The following EXOC6B variants were observed in gnomAD, a reference collection of about 807,000 sequenced individuals.
The protein encoded by EXOC6B is exocyst complex component 6B, also known as SEC15 homolog B.
A neutral mutation model predicts 113.5 loss-of-function variants in EXOC6B; 54 were observed. The observed-to-expected ratio is 0.48, with a 90% CI of 0.38 to 0.60. The LOEUF (loss-of-function observed/expected upper bound fraction) is 0.60, where lower values mean the gene tolerates loss of function less well. Among genes scored for constraint, EXOC6B ranks in the 20% least tolerant of loss-of-function variants. The pLI, the probability that EXOC6B is intolerant of heterozygous loss-of-function variation, is 0.00. For missense variants in EXOC6B, 797 were observed against 977.5 expected (o/e 0.82, Z 2.46); for synonymous variants, 357 against 339.0 (o/e 1.05, Z -0.58).
chr2:72,550,500 C>T (rs1018320136), intron 8 of EXOC6B, among the ~76,000 whole-genome samples: 2 of 152,126 alleles, frequency 1.3e-5, no homozygotes, highest in Non-Finnish European at 2.9e-5. Context: ...TGTACCTTTT[C>T]AAAACTAGGA....
At chr2:72,777,974 C>T (rs1482699818) in intron 1 of EXOC6B, among the ~76,000 whole-genome samples, 2 of 151,952 alleles carry the variant, frequency 1.3e-5, no homozygotes, top group Non-Finnish European at 1.5e-5. Flanking sequence ...AATTGGTACA[C>T]TAGAAAATAC....
At chr2:72,478,278 A>G (rs768765977) in intron 17 of EXOC6B, among the ~76,000 whole-genome samples, 1 of 152,220 alleles carries the variant, frequency 6.6e-6, no homozygotes, top group Non-Finnish European at 1.5e-5. Flanking sequence ...AGGAAAGCTA[A>G]GGACGCCAGC....
chr2:72,448,520 A>G (rs1213364188), intron 18 of EXOC6B, among the ~76,000 whole-genome samples: 1 of 152,218 alleles, frequency 6.6e-6, no homozygotes, highest in Non-Finnish European at 1.5e-5. Context: ...AAAATTAAAG[A>G]TATCTATTAC....
At chr2:72,689,652 G>A (rs991622444) in intron 6 of EXOC6B, among the ~76,000 whole-genome samples, 1 of 152,120 alleles carries the variant, frequency 6.6e-6, no homozygotes, top group Non-Finnish European at 1.5e-5. Context: ...GGACTGCTGT[G>A]CCAGGATCCT....
intron 1 of EXOC6B, among the ~76,000 whole-genome samples, chr2:72,746,451 C>T (rs60284189): frequency 0.21 from 32,149 of 151,880 alleles, 5,679 homozygotes; most frequent in African/African-American, 0.49. Flanking sequence ...TATTTATCCT[C>T]GTATAACTAT....
intron 18 of EXOC6B, among the ~76,000 whole-genome samples, chr2:72,382,399 T>C (rs1039510485): frequency 1.3e-5 from 2 of 152,202 alleles, no homozygotes; most frequent in Non-Finnish European, 2.9e-5. Flanking sequence ...ATGTGTCTGT[T>C]TTTGTACCAG....
intron 18 of EXOC6B, among the ~76,000 whole-genome samples, chr2:72,441,699 C>A (rs934443540): frequency 6.6e-6 from 1 of 152,086 alleles, no homozygotes; most frequent in South Asian, 2.1e-4. Context: ...CAGGAAGAAA[C>A]TGAATCCCTG....
intron 6 of EXOC6B, among the ~76,000 whole-genome samples, chr2:72,688,529 TGGGGCAGGGGCA>T (rs373465195): frequency 4.1e-5 from 6 of 145,982 alleles, no homozygotes; most frequent in Non-Finnish European, 9.0e-5. Flanking sequence ...TGAGGACTAC[TGGGGCAGGGGCA>T]GGGGCAGGGG....
intron 19 of EXOC6B, among the ~76,000 whole-genome samples, chr2:72,341,454 A>G (rs1372414985): frequency 6.6e-6 from 1 of 152,208 alleles, no homozygotes; most frequent in Non-Finnish European, 1.5e-5. Flanking sequence ...GGTAACGATA[A>G]TTAAAAGTAT....
At chr2:72,752,548 ACTCTCT>A (rs143358400) in intron 1 of EXOC6B, among the ~76,000 whole-genome samples, 4 of 85,558 alleles carry the variant, frequency 4.7e-5, no homozygotes, top group South Asian at 7.5e-4. Flanking sequence ...TCTCTCTCTC[ACTCTCT>A]CTCTCTCTCT....
At chr2:72,424,645 G>GA (rs1385066670) in intron 18 of EXOC6B, among the ~76,000 whole-genome samples, 1 of 151,710 alleles carries the variant, frequency 6.6e-6, no homozygotes, top group Non-Finnish European at 1.5e-5. Flanking sequence ...ATTAAAACTG[G>GA]AAAAACTGAG....
rs1699977169 is a variant in EXOC6B at position 72,495,332 on chromosome 2, A to G, written c.1553+98T>C. On this transcript the variant is annotated intron_variant, in intron 15 of 21. Transcript: ENST00000272427. ...AAAGCTAATTATTAAGATTTCCAAA[A>G]TCAGGGCTGACGGGACTATCAAAAG... The G allele has an allele frequency of 4.9e-6, 3 of 617,796 alleles. No homozygotes were observed. The East Asian group carries it at 9.1e-5, about 19-fold the overall frequency. The allele number at this position is 617,796 out of a possible 1,614,324, so 38.3% of individuals were successfully genotyped here.
chr2:72,324,836 C>T (rs983020353), intron 20 of EXOC6B, among the ~76,000 whole-genome samples: 1 of 152,048 alleles, frequency 6.6e-6, no homozygotes, highest in Non-Finnish European at 1.5e-5. Flanking sequence ...GACACTAGAA[C>T]TTAATAGACC....
chr2:72,531,088 A>G (rs1182184974), intron 8 of EXOC6B, among the ~76,000 whole-genome samples: 3 of 151,992 alleles, frequency 2.0e-5, no homozygotes, highest in Non-Finnish European at 2.9e-5. Flanking sequence ...TAGGGCTTAC[A>G]TCTGTCAGGT....
At chr2:72,223,481 T>C (rs750980815) in intron 20 of EXOC6B, among the ~76,000 whole-genome samples, 14 of 152,216 alleles carry the variant, frequency 9.2e-5, no homozygotes, top group Non-Finnish European at 1.8e-4. Context: ...ATTACTATCC[T>C]GTTAAGATTT....
intron 6 of EXOC6B, among the ~76,000 whole-genome samples, chr2:72,664,548 T>G (rs1313593092): frequency 6.6e-6 from 1 of 152,204 alleles, no homozygotes; most frequent in African/African-American, 2.4e-5. Flanking sequence ...AACTCCAACC[T>G]GAGCAGAGCC....
At chr2:72,670,280 C>G (rs1036807105) in intron 6 of EXOC6B, among the ~76,000 whole-genome samples, 6 of 151,924 alleles carry the variant, frequency 3.9e-5, no homozygotes, top group Admixed American at 3.9e-4. Context: ...CCTGTTTATA[C>G]TACATTTAGG....
intron 14 of EXOC6B, among the ~76,000 whole-genome samples, 164 bp from the exon 15 acceptor site, chr2:72,495,703 A>G (rs1699998796): frequency 6.6e-6 from 1 of 152,212 alleles, no homozygotes; most frequent in African/African-American, 2.4e-5. Context: ...GATATTAAAA[A>G]GACATAAATT....
At chr2:72,768,600 C>T (rs1227679076) in intron 1 of EXOC6B, among the ~76,000 whole-genome samples, 2 of 142,246 alleles carry the variant, frequency 1.4e-5, no homozygotes, top group African/African-American at 2.5e-5. Context: ...ACACTGTGCC[C>T]GGCCTAAGCT....
Sources: allele counts gnomAD v4.1 joint callset (sites outside exome capture counted in the v4.1 genomes callset), GRCh38; gene constraint gnomAD v4.1.1; transcripts MANE v1.5; gene names NCBI Gene and HGNC (gene_info 2026-07-23, HGNC 2026-07-21).